The following SCHIP1 variants were observed in gnomAD, a reference collection of about 807,000 sequenced individuals.
The protein encoded by SCHIP1 is schwannomin-interacting protein 1.
In SCHIP1, 8 loss-of-function variants were observed where a neutral mutation model predicts 29.7. The observed-to-expected ratio is 0.27, with a 90% CI of 0.16 to 0.49. SCHIP1 has a LOEUF of 0.49. SCHIP1 is among the 20% of genes least tolerant of loss of function. SCHIP1 has a pLI of 0.99. For synonymous variants in SCHIP1, 76 were observed against 94.9 expected, an observed-to-expected ratio of 0.80 and a Z score of 1.16; for missense variants, 193 against 294.6, an observed-to-expected ratio of 0.66 and a Z score of 2.52.
the SCHIP1 span, among the ~76,000 whole-genome samples, chr3:159,556,558 C>T: frequency 6.6e-6 from 1 of 151,920 alleles, no homozygotes; most frequent in Admixed American, 6.6e-5. Context: ...GAAAATGTGG[C>T]ACATATACAC....
At chr3:159,864,042 T>C (rs1172937821) in intron 1 of SCHIP1, among the ~76,000 whole-genome samples, 1 of 152,206 alleles carries the variant, frequency 6.6e-6, no homozygotes, top group Non-Finnish European at 1.5e-5. Context: ...ATTTGGATAT[T>C]CAGCTATACT....
chr3:159,551,397 C>T, the SCHIP1 span, among the ~76,000 whole-genome samples: 8 of 152,248 alleles, frequency 5.3e-5, no homozygotes, highest in South Asian at 2.1e-4. Flanking sequence ...TGGCCTGCTG[C>T]GTAGCAGTTT....
In SCHIP1 at chr3:159,887,518, T is replaced by C. The variant is rs1216510804; in HGVS notation, c.268-190T>C. 5 of 634,300 alleles carry C rather than the reference T, an allele frequency of 7.9e-6. No homozygotes were observed. In the African/African-American group the frequency reaches 9.1e-5, roughly 12 times the overall value. 39.3% of individuals were successfully genotyped at this position (634,300 alleles called of 1,614,324 possible). ...TTAACTATACTGCTCTCTCTGTTTA[T>C]GCTAAAATCTATTTTAAACTAGACC... On this transcript the variant is annotated intron_variant, in intron 3 of 6. Transcript: ENST00000445224.
At chr3:159,517,690 T>G in the SCHIP1 span, among the ~76,000 whole-genome samples, 4 of 151,934 alleles carry the variant, frequency 2.6e-5, no homozygotes, top group East Asian at 7.7e-4. Context: ...ACATAATATA[T>G]ATATATAGTA....
chr3:159,561,383 C>T, the SCHIP1 span, among the ~76,000 whole-genome samples: 3 of 152,208 alleles, frequency 2.0e-5, no homozygotes. Context: ...TCCCATGAGA[C>T]TGGGATCTTT....
the SCHIP1 span, among the ~76,000 whole-genome samples, chr3:159,506,288 T>A: frequency 6.6e-6 from 1 of 152,244 alleles, no homozygotes; most frequent in African/African-American, 2.4e-5. Flanking sequence ...TGTCTGTTCA[T>A]ATCCTTTGCC....
the SCHIP1 span, among the ~76,000 whole-genome samples, chr3:159,772,271 C>T: frequency 6.6e-6 from 1 of 152,204 alleles, no homozygotes; most frequent in Non-Finnish European, 1.5e-5. Context: ...ATGCCTCAGC[C>T]TCCGGAGTAG....
chr3:159,625,932 G>A, the SCHIP1 span, among the ~76,000 whole-genome samples: 25 of 151,870 alleles, frequency 1.6e-4, no homozygotes, highest in Admixed American at 6.6e-5. Context: ...CTGTCTGGTG[G>A]AATAGGAAAA....
At chr3:159,481,333 G>C in the SCHIP1 span, among the ~76,000 whole-genome samples, 1 of 152,112 alleles carries the variant, frequency 6.6e-6, no homozygotes, top group Non-Finnish European at 1.5e-5. Context: ...TTAAAAAAAA[G>C]TTTTAGGTGA....
the SCHIP1 span, among the ~76,000 whole-genome samples, chr3:159,669,265 G>T: frequency 1.3e-5 from 2 of 152,224 alleles, no homozygotes. Context: ...GGAAAAGGAG[G>T]AGTTGTTGTC....
chr3:159,608,188 T>C, the SCHIP1 span, among the ~76,000 whole-genome samples: 4 of 152,220 alleles, frequency 2.6e-5, no homozygotes, highest in Non-Finnish European at 4.4e-5. Context: ...GTATCTGCTA[T>C]TGGTCAAGGA....
chr3:159,423,409 C>T, the SCHIP1 span, among the ~76,000 whole-genome samples: 1 of 152,224 alleles, frequency 6.6e-6, no homozygotes, highest in South Asian at 2.1e-4. Context: ...GATTATATCG[C>T]ACACCTGGCT....
At chr3:159,393,005 C>A in the SCHIP1 span, among the ~76,000 whole-genome samples, 1 of 152,326 alleles carries the variant, frequency 6.6e-6, no homozygotes, top group Admixed American at 6.5e-5. Context: ...GATTGCCATT[C>A]TAACTGGTGT....
the SCHIP1 span, among the ~76,000 whole-genome samples, chr3:159,772,175 C>G: frequency 6.6e-6 from 1 of 152,066 alleles, no homozygotes; most frequent in Non-Finnish European, 1.5e-5. Context: ...TTTTTTCAGA[C>G]AGTCTCGCTC....
At chr3:159,322,766 T>A in the SCHIP1 span, among the ~76,000 whole-genome samples, 499 of 152,306 alleles carry the variant, frequency 3.3e-3, 2 homozygotes, top group Non-Finnish European at 4.7e-3. Context: ...TTCCTTGCTC[T>A]ACTAATTGGG....
the SCHIP1 span, among the ~76,000 whole-genome samples, chr3:159,728,900 A>G: frequency 6.6e-6 from 1 of 152,192 alleles, no homozygotes; most frequent in Non-Finnish European, 1.5e-5. Context: ...CTGTAATACC[A>G]CCACTTTGGG....
At chr3:159,749,426 G>C in the SCHIP1 span, among the ~76,000 whole-genome samples, 1 of 152,100 alleles carries the variant, frequency 6.6e-6, no homozygotes, top group Admixed American at 6.5e-5. Flanking sequence ...AAAGTGAAGA[G>C]AGAACCATTT....
At chr3:159,650,698 A>C in the SCHIP1 span, among the ~76,000 whole-genome samples, 1 of 152,214 alleles carries the variant, frequency 6.6e-6, no homozygotes, top group Non-Finnish European at 1.5e-5. Flanking sequence ...ACCTGTCTAC[A>C]TGTTCATGAC....
the SCHIP1 span, among the ~76,000 whole-genome samples, chr3:159,663,012 T>C: frequency 6.6e-6 from 1 of 152,348 alleles, no homozygotes; most frequent in East Asian, 1.9e-4. Context: ...CTGGGGGATG[T>C]GTGTCTTGGG....
Sources: gnomAD v4.1 joint callset for allele counts (sites outside exome capture counted in the v4.1 genomes callset) on GRCh38, gnomAD v4.1.1 for gene constraint, MANE v1.5 for transcripts, NCBI Gene and HGNC (gene_info 2026-07-23, HGNC 2026-07-21) for gene names.